The following AP4E1 variants were observed in gnomAD, a reference collection of about 807,000 sequenced individuals.
AP4E1 encodes AP-4 complex subunit epsilon-1.
A neutral mutation model predicts 128.2 loss-of-function variants in AP4E1; 56 were observed. The observed-to-expected ratio is 0.44, with a 90% CI of 0.35 to 0.55. The LOEUF is 0.55. AP4E1 is among the 20% of genes least tolerant of loss of function. The pLI is 0.00. For missense variants in AP4E1, 1,324 were observed against 1,307.7 expected (o/e 1.01, Z -0.19); for synonymous variants, 484 against 473.1 (o/e 1.02, Z -0.30).
chr15:51,001,326 CTG>C (rs1336275676), intron 20 of AP4E1, 143 bp downstream of exon 20: 1 of 773,708 alleles, frequency 1.3e-6, no homozygotes, highest in Non-Finnish European at 2.0e-6. Flanking sequence ...GTTTTTCAGA[CTG>C]TATTAAATAA....
intron 15 of AP4E1, among the ~76,000 whole-genome samples, chr15:50,981,412 CTACTTTATGCCTGCTCCA>C (rs1242325432): frequency 7.2e-4 from 110 of 152,322 alleles, no homozygotes; most frequent in African/African-American, 2.3e-3. Flanking sequence ...ATGGGAATAT[CTACTTTATGCCTGCTCCA>C]CTATTGTATT....
In AP4E1 at chr15:50,969,179, GC is replaced by G. The variant is rs534651165; in HGVS notation, c.1966+806del. The stretch of plus-strand genomic sequence containing the variant: ...CCTCTCACCCTCCACCCTCTGAAAG[GC>G]CCCAGCATGTATTGTTTCCCTCTAT... On this transcript the variant is annotated intron_variant, in intron 15 of 20. Transcript: ENST00000261842. Among the ~76,000 whole-genome samples the G allele has an allele frequency of 4.8e-3, 728 of 152,032 alleles. 6 individuals are homozygous for G. The highest frequency in any genetic ancestry group is 8.4e-3 in the Admixed American group (129 of 15,268).
intron 2 of AP4E1, among the ~76,000 whole-genome samples, chr15:50,913,050 C>G (rs967552936): frequency 1.3e-5 from 2 of 152,166 alleles, no homozygotes; most frequent in African/African-American, 4.8e-5. Flanking sequence ...ATATAAGCCA[C>G]TGTGGGAATG....
chr15:50,987,359 T>C lies in AP4E1; in HGVS notation c.2090+3214T>C, dbSNP rs1033713972. Among the ~76,000 whole-genome samples, 117 of 152,210 alleles carry C rather than the reference T, an allele frequency of 7.7e-4. 1 individual carries two copies. Among genetic ancestry groups the C allele is most frequent in the African/African-American group, 2.8e-3 (116 of 41,458 alleles). On this transcript the variant is annotated intron_variant, in intron 16 of 20. Coordinates refer to ENST00000261842, the MANE Select transcript of AP4E1 (RefSeq NM_007347.5). ...CCTTCTGCCAGCTTTTGAATGTGTTTGCTCTTGCTTCTCTAGTTCTTTTAA... is the reference window on the plus strand; with the variant it reads ...CCTTCTGCCAGCTTTTGAATGTGTTCGCTCTTGCTTCTCTAGTTCTTTTAA...
At chr15:50,980,569 G>A (rs967128182) in intron 15 of AP4E1, among the ~76,000 whole-genome samples, 8 of 152,154 alleles carry the variant, frequency 5.3e-5, no homozygotes, top group South Asian at 2.1e-4. Flanking sequence ...CTGCTAAGGC[G>A]GTTATTACAG....
At chr15:50,909,047 G>A (rs2063532320) in intron 1 of AP4E1, 119 bp downstream of exon 1, 85 of 1,469,888 alleles carry the variant, frequency 5.8e-5, no homozygotes, top group Non-Finnish European at 7.2e-5. Flanking sequence ...CGGGGCTCAG[G>A]GGCTGCTGTG....
chr15:50,934,538 C>G (rs753470616), intron 7 of AP4E1, 86 bp from the exon 8 acceptor site: 7 of 829,374 alleles, frequency 8.4e-6, no homozygotes, highest in Non-Finnish European at 1.2e-5. Flanking sequence ...TTCTGTAGAT[C>G]CTCAGTTTTA....
intron 14 of AP4E1, among the ~76,000 whole-genome samples, chr15:50,967,494 C>T (rs2064409467): frequency 6.6e-6 from 1 of 152,210 alleles, no homozygotes. Context: ...ACAGATTCCC[C>T]TGGTACATCC....
At chr15:50,925,267 C>G (rs189500505) in intron 5 of AP4E1, 48 bp downstream of exon 5, 1 of 1,586,172 alleles carries the variant, frequency 6.3e-7, no homozygotes, top group South Asian at 1.1e-5. Context: ...TATTTCAAAA[C>G]AGAAGTTTAT....
chr15:50,933,299 T>C (rs1018282458), intron 7 of AP4E1, among the ~76,000 whole-genome samples: 6 of 152,222 alleles, frequency 3.9e-5, no homozygotes, highest in African/African-American at 1.4e-4. Context: ...TTGGACATTA[T>C]TGCTCAATGT....
chr15:50,991,371 G>C (rs2064805092), intron 16 of AP4E1, among the ~76,000 whole-genome samples: 1 of 152,124 alleles, frequency 6.6e-6, no homozygotes, highest in Non-Finnish European at 1.5e-5. Context: ...TTTGGTTAAA[G>C]GGAGTATACA....
At chr15:50,976,344 A>G (rs1461639633) in intron 15 of AP4E1, among the ~76,000 whole-genome samples, 2 of 152,220 alleles carry the variant, frequency 1.3e-5, no homozygotes, top group Non-Finnish European at 2.9e-5. Context: ...ATGATTAAAA[A>G]GAAACTCAAT....
intron 7 of AP4E1, among the ~76,000 whole-genome samples, chr15:50,933,580 G>T (rs945858792): frequency 2.6e-5 from 4 of 151,916 alleles, no homozygotes; most frequent in African/African-American, 9.7e-5. Context: ...ATTTTTTTTG[G>T]GGGGCAGGGA....
chr15:50,972,113 A>G (rs2064486762), intron 15 of AP4E1, among the ~76,000 whole-genome samples: 1 of 152,154 alleles, frequency 6.6e-6, no homozygotes, highest in Non-Finnish European at 1.5e-5. Flanking sequence ...GGAAAGACTT[A>G]TTTGTATAAA....
intron 7 of AP4E1, among the ~76,000 whole-genome samples, chr15:50,933,029 T>A (rs1462966342): frequency 6.6e-6 from 1 of 152,200 alleles, no homozygotes; most frequent in African/African-American, 2.4e-5. Flanking sequence ...GGAAGTAACT[T>A]GGGAGGCATT....
At chr15:50,947,414 T>G (rs1284874016) in intron 10 of AP4E1, among the ~76,000 whole-genome samples, 1 of 98,932 alleles carries the variant, frequency 1.0e-5, no homozygotes, top group Non-Finnish European at 2.2e-5. Context: ...AGACCCTGTC[T>G]CAAAAAAAAA....
chr15:50,995,980 CTTTTTTT>C (rs1199189475), intron 17 of AP4E1, among the ~76,000 whole-genome samples: 18 of 91,796 alleles, frequency 2.0e-4, no homozygotes, highest in Non-Finnish European at 3.5e-4. Context: ...TAATATACAT[CTTTTTTT>C]TTTTTTTTTT....
In AP4E1 at chr15:50,930,360, C is replaced by T. The variant is rs540033977; in HGVS notation, c.703-445C>T. ...GGGATTACTGGCGTGAGCCACTGTG[C>T]CCGGCCCCAGAATGAATTTAACTCA... On this transcript the variant is annotated intron_variant, in intron 6 of 20. Coordinates refer to ENST00000261842, the MANE Select transcript of AP4E1 (RefSeq NM_007347.5). Among the ~76,000 whole-genome samples the T allele has an allele frequency of 8.1e-5, 12 of 148,628 alleles. No individual in the cohort carries two copies. The South Asian group carries it at 2.6e-3, about 33-fold the overall frequency.
chr15:50,912,190 A>G, intron 2 of AP4E1, 41 bp downstream of exon 2: 4 of 1,515,894 alleles, frequency 2.6e-6, no homozygotes, highest in Non-Finnish European at 8.9e-7. Context: ...TGAATTTGAA[A>G]TCTAGTCACT....
Sources: allele counts gnomAD v4.1 joint callset (sites outside exome capture counted in the v4.1 genomes callset), GRCh38; gene constraint gnomAD v4.1.1; transcripts MANE v1.5; gene names NCBI Gene and HGNC (gene_info 2026-07-23, HGNC 2026-07-21).